Variants in FRMD4B observed in about 807,000 individuals in gnomAD.
The protein encoded by FRMD4B is FERM domain-containing protein 4B.
A neutral mutation model predicts 141.5 loss-of-function variants in FRMD4B; 74 were observed. The ratio of observed to expected loss-of-function variants is 0.52; its 90% CI spans 0.43 to 0.63. The LOEUF (loss-of-function observed/expected upper bound fraction) is 0.63, where lower values mean the gene tolerates loss of function less well. FRMD4B is among the 30% of genes least tolerant of loss of function. The pLI, the probability that FRMD4B is intolerant of heterozygous loss-of-function variation, is 0.00. For synonymous variants in FRMD4B, 506 were observed against 467.9 expected, an observed-to-expected ratio of 1.08 and a Z score of -1.05; for missense variants, 1,366 against 1,253.4, an observed-to-expected ratio of 1.09 and a Z score of -1.36.
intron 2 of FRMD4B, among the ~76,000 whole-genome samples, chr3:69,427,889 C>G (rs918380208): frequency 1.3e-5 from 2 of 151,776 alleles, no homozygotes; most frequent in African/African-American, 4.8e-5. Flanking sequence ...CTCCTGACCT[C>G]GAGTGATCTG....
chr3:69,450,200 T>C (rs1484012407), intron 1 of FRMD4B, among the ~76,000 whole-genome samples: 1 of 152,248 alleles, frequency 6.6e-6, no homozygotes, highest in Non-Finnish European at 1.5e-5. Context: ...GACATTTATT[T>C]ATGTTCACGT....
chr3:69,505,206 C>T (rs71618286), intron 1 of FRMD4B, among the ~76,000 whole-genome samples: 2 of 151,562 alleles, frequency 1.3e-5, no homozygotes, highest in African/African-American at 2.4e-5. Flanking sequence ...CCCATCTCTA[C>T]AAAAAATTAA....
Position 69,193,725 on chromosome 3 carries a change from T to G in FRMD4B, c.1637A>C (p.Gln546Pro), listed in dbSNP as rs1402729264. The change falls in exon 17 of 23, where the codon CAG becomes CCG. Residue 546 changes from glutamine to proline, a missense_variant. Coordinates refer to ENST00000398540, the MANE Select transcript of FRMD4B (RefSeq NM_015123.3). ...TTCGTTTATTGCATTTTCAATCTCC[T>G]GAAGCTTTTTCATCGCATCTGTGTA... ...QDYTDAMKKLQEIENAINEYR... is the reference protein window; with the variant it reads ...QDYTDAMKKLPEIENAINEYR... 6.2e-7 allele frequency: 1 copy of G among 1,613,898 alleles called. No homozygotes were observed. Among genetic ancestry groups the G allele is most frequent in the African/African-American group, 1.3e-5 (1 of 75,064 alleles).
chr3:69,283,429 C>CAAAA (rs59444542), intron 5 of FRMD4B, among the ~76,000 whole-genome samples: 2 of 139,442 alleles, frequency 1.4e-5, no homozygotes, highest in African/African-American at 2.7e-5. Context: ...GCAACAACAA[C>CAAAA]AAAAAAAAAA....
chr3:69,442,541 C>A (rs1296405545), intron 1 of FRMD4B, among the ~76,000 whole-genome samples: 2 of 151,896 alleles, frequency 1.3e-5, no homozygotes, highest in African/African-American at 4.8e-5. Context: ...CATAGGTAGT[C>A]CAAAAACCAC....
At chr3:69,402,661 T>C (rs1180799987) in intron 2 of FRMD4B, among the ~76,000 whole-genome samples, 3 of 152,120 alleles carry the variant, frequency 2.0e-5, no homozygotes, top group African/African-American at 7.2e-5. Flanking sequence ...AAACATAAGA[T>C]GTACAAAATG....
chr3:69,231,670 T>C (rs2093306692), intron 7 of FRMD4B, among the ~76,000 whole-genome samples: 1 of 152,218 alleles, frequency 6.6e-6, no homozygotes, highest in Non-Finnish European at 1.5e-5. Context: ...ACAACAAAAA[T>C]GGAATCAAGT....
rs61048195 is a variant in FRMD4B, at chr3:69,353,768, T to C, written c.162+32060A>G. On this transcript the variant is annotated intron_variant, in intron 1 of 22. Transcript: ENST00000398540. ...ATCTCAAGGAAATGACCATACTGTT[T>C]GTTTCTTTGATTAGAAACAAAAGCC... is the stretch of plus-strand genomic sequence containing the variant. 4,855 of 937,674 alleles carry C rather than the reference T, an allele frequency of 5.2e-3. 169 individuals carry two copies. In the African/African-American group the frequency reaches 0.076, roughly 15 times the overall value. The allele number at this position is 937,674 out of a possible 1,614,324, so 58.1% of individuals were successfully genotyped here. A position where few individuals can be genotyped will look rare whatever the true frequency, so the allele number is the denominator to read the frequency against.
In FRMD4B at chr3:69,196,259, G is replaced by A; in HGVS notation, c.1230C>T (p.Ser410=). ...TCTCTAATCCCAAGATGTTACCTGAGGAGATTAAACTGCCATTACTTGCCA... is the reference window on the plus strand; with the variant it reads ...TCTCTAATCCCAAGATGTTACCTGAAGAGATTAAACTGCCATTACTTGCCA... The part of the protein sequence containing the change: ...FIMASNGSLI[S]SGSQDSEVSE... Residue 410 remains serine, a synonymous_variant, in exon 14 of 23, where the codon TCC becomes TCT. Transcript: ENST00000398540. 6.3e-7 allele frequency: 1 copy of A among 1,599,714 alleles called. No homozygotes were observed. The highest frequency in any genetic ancestry group is 2.2e-5 in the East Asian group (1 of 44,452).
At chr3:69,347,266 C>A (rs1269189609) in intron 1 of FRMD4B, among the ~76,000 whole-genome samples, 1 of 152,150 alleles carries the variant, frequency 6.6e-6, no homozygotes, top group Admixed American at 6.5e-5. Flanking sequence ...GGGATCAATT[C>A]AACCAGAAGA....
chr3:69,175,529 C>T (rs759376741), intron 22 of FRMD4B, among the ~76,000 whole-genome samples: 25 of 152,218 alleles, frequency 1.6e-4, no homozygotes, highest in Middle Eastern at 6.8e-3. Flanking sequence ...AGATAAAAAA[C>T]GCAGCAAATG....
intron 1 of FRMD4B, among the ~76,000 whole-genome samples, chr3:69,350,198 A>C (rs1003728147): frequency 6.6e-6 from 1 of 152,254 alleles, no homozygotes; most frequent in East Asian, 1.9e-4. Flanking sequence ...GAAGACATTT[A>C]TGCAACCAAT....
chr3:69,407,922 TG>T (rs900640435), intron 2 of FRMD4B, among the ~76,000 whole-genome samples: 2 of 152,138 alleles, frequency 1.3e-5, no homozygotes, highest in East Asian at 3.9e-4. Flanking sequence ...CCTGGCCATG[TG>T]GGGGAAAAAG....
intron 5 of FRMD4B, among the ~76,000 whole-genome samples, chr3:69,261,662 T>C (rs1394326676): frequency 6.6e-6 from 1 of 152,166 alleles, no homozygotes; most frequent in Non-Finnish European, 1.5e-5. Flanking sequence ...AAGCAGACAT[T>C]TTTAAATTTT....
chr3:69,211,359 C>T (rs778317845), intron 11 of FRMD4B, among the ~76,000 whole-genome samples: 1 of 152,138 alleles, frequency 6.6e-6, no homozygotes, highest in Non-Finnish European at 1.5e-5. Flanking sequence ...CAAACTCTTT[C>T]CCTGCATCAC....
At chr3:69,194,010 A>T in intron 16 of FRMD4B, 137 bp from the exon 17 acceptor site, 1 of 619,422 alleles carries the variant, frequency 1.6e-6, no homozygotes, top group Non-Finnish European at 2.8e-6. Context: ...CTTTTACTGC[A>T]TAGACATCCT....
At chr3:69,289,397 T>C (rs1375262260) in intron 4 of FRMD4B, among the ~76,000 whole-genome samples, 2 of 152,224 alleles carry the variant, frequency 1.3e-5, no homozygotes, top group East Asian at 3.8e-4. Context: ...CTCCTTGAGC[T>C]ATGTATTTTT....
chr3:69,452,036 T>A (rs1351776561), intron 1 of FRMD4B, among the ~76,000 whole-genome samples: 1 of 152,228 alleles, frequency 6.6e-6, no homozygotes, highest in East Asian at 1.9e-4. Flanking sequence ...TACAATATTG[T>A]TGAGACACTG....
At chr3:69,447,069 T>C (rs936449110) in intron 1 of FRMD4B, among the ~76,000 whole-genome samples, 2 of 152,126 alleles carry the variant, frequency 1.3e-5, no homozygotes, top group African/African-American at 4.8e-5. Flanking sequence ...GGTGGTTCAT[T>C]TGGGGCTCAA....
Sources: gnomAD v4.1 joint callset for allele counts (sites outside exome capture counted in the v4.1 genomes callset) on GRCh38, gnomAD v4.1.1 for gene constraint, MANE v1.5 for transcripts, NCBI Gene and HGNC (gene_info 2026-07-23, HGNC 2026-07-21) for gene names.